The following PNPLA1 variants were observed in gnomAD, a reference collection of about 807,000 sequenced individuals.
The protein encoded by PNPLA1 is omega-hydroxyceramide transacylase.
PNPLA1 carries 36 observed loss-of-function variants against 51.7 expected under a neutral mutation model. The observed-to-expected ratio is 0.70, with a 90% CI of 0.53 to 0.92. The LOEUF (loss-of-function observed/expected upper bound fraction) is 0.92. PNPLA1 is among the 40% of genes least tolerant of loss of function. The pLI, the probability that PNPLA1 is intolerant of heterozygous loss-of-function variation, is 0.00. For missense variants in PNPLA1, 658 were observed against 682.5 expected (o/e 0.96, Z 0.40); for synonymous variants, 293 against 280.1 (o/e 1.05, Z -0.46).
chr6:36,254,830 CCTT>C (rs755480288), intron 1 of PNPLA1, among the ~76,000 whole-genome samples: 16 of 152,034 alleles, frequency 1.1e-4, no homozygotes, highest in Non-Finnish European at 2.1e-4. Flanking sequence ...TCATTTCTCT[CCTT>C]CTGGGGCACA....
In PNPLA1 at chr6:36,302,382, G is replaced by C; in HGVS notation, c.1297G>C (p.Gly433Arg). ...GCCATCCCTGGGGCCTTCAACTGTG[G>C]GGGCACCTCAAACACTGCCCCGAAG... ...PRPSLGPSTV[G>R]APQTLPRSSL... is the part of the protein sequence containing the mutation. Residue 433 changes from glycine (G) to arginine (R), a missense_variant, in exon 6 of 9, where the codon GGG (glycine) becomes CGG (arginine). By Grantham distance (125) the Gly-to-Arg change is moderately radical. Coordinates refer to ENST00000636260, the MANE Select transcript of PNPLA1 (RefSeq NM_001374623.1). 1.2e-6 allele frequency: 2 copies of C among 1,601,728 alleles called. No homozygotes were observed. The highest frequency in any genetic ancestry group is 8.5e-7 in the Non-Finnish European group (1 of 1,172,626).
In PNPLA1 at chr6:36,270,259, C is replaced by T. The variant is rs1239032370; in HGVS notation, c.-201C>T. Among the ~76,000 whole-genome samples, 1 of 152,246 alleles carries T rather than the reference C, an allele frequency of 6.6e-6. No homozygotes were observed. Among genetic ancestry groups the T allele is most frequent in the Admixed American group, 6.5e-5 (1 of 15,294 alleles). Reference sequence around the variant, plus strand: ...GCCCCTTTCCAACCTTTGGAGTTGCCTCCTGGCGGAGCTTAACAGGCTGAG... The same window carrying T: ...GCCCCTTTCCAACCTTTGGAGTTGCTTCCTGGCGGAGCTTAACAGGCTGAG... On this transcript the variant is annotated 5_prime_UTR_variant, in exon 1 of 9. Coordinates refer to ENST00000636260, the MANE Select transcript of PNPLA1 (RefSeq NM_001374623.1).
At chr6:36,309,282 G>A (rs189476448) in intron 8 of PNPLA1, among the ~76,000 whole-genome samples, 38 of 152,260 alleles carry the variant, frequency 2.5e-4, no homozygotes, top group Middle Eastern at 3.4e-3. Context: ...ACGGCAGCTC[G>A]AGGTCCCTGG....
chr6:36,305,486 T>C (rs574106124), intron 6 of PNPLA1, among the ~76,000 whole-genome samples: 46 of 152,292 alleles, frequency 3.0e-4, no homozygotes, highest in Non-Finnish European at 5.1e-4. Flanking sequence ...AACCCACATA[T>C]ACTTTATATT....
At chr6:36,252,716 T>G (rs1769450002) in intron 1 of PNPLA1, among the ~76,000 whole-genome samples, 1 of 152,166 alleles carries the variant, frequency 6.6e-6, no homozygotes, top group Non-Finnish European at 1.5e-5. Flanking sequence ...GGACAGGACA[T>G]GAAGCATGGC....
chr6:36,272,741 C>T (rs909542734), intron 1 of PNPLA1, among the ~76,000 whole-genome samples: 1 of 152,108 alleles, frequency 6.6e-6, no homozygotes. Context: ...GAGGGAGAGG[C>T]TGCAGATAAT....
At chr6:36,307,463 C>T in intron 7 of PNPLA1, 124 bp from the exon 8 acceptor site, 1 of 1,106,750 alleles carries the variant, frequency 9.0e-7, no homozygotes, top group Non-Finnish European at 1.2e-6. Context: ...CTGGGAAATC[C>T]AATCCTCAGC....
At chr6:36,248,408 C>A (rs569951665) in intron 1 of PNPLA1, among the ~76,000 whole-genome samples, 1 of 152,118 alleles carries the variant, frequency 6.6e-6, no homozygotes, top group African/African-American at 2.4e-5. Flanking sequence ...AAGGAAATTG[C>A]GTAACCACAC....
upstream of PNPLA1, among the ~76,000 whole-genome samples, chr6:36,269,866 C>G (rs1057433903): frequency 6.6e-6 from 1 of 152,206 alleles, no homozygotes; most frequent in African/African-American, 2.4e-5. Flanking sequence ...CCTGAAGGAG[C>G]CCAGGAGGGG....
In PNPLA1 at chr6:36,302,350, C is replaced by T; in HGVS notation, c.1265C>T (p.Ser422Leu). The T allele has an allele frequency of 1.2e-6, 2 of 1,612,656 alleles. No homozygotes were observed. The highest frequency in any genetic ancestry group is 1.3e-5 in the African/African-American group (1 of 75,050). ...ARSLHSQAPT[S>L]PRPSLGPSTV... is the part of the protein sequence containing the mutation. ...TCCCTACACTCTCAGGCACCCACTT[C>T]ACCCAGGCCATCCCTGGGGCCTTCA... Residue 422 changes from serine to leucine, a missense_variant, in exon 6 of 9, where the codon TCA (serine) becomes TTA (leucine). Physicochemically the swap from Ser to Leu is moderately radical, Grantham distance 145 (BLOSUM62 -2). Transcript: ENST00000636260.
intron 6 of PNPLA1, among the ~76,000 whole-genome samples, chr6:36,303,902 G>A (rs550827231): frequency 1.4e-4 from 21 of 152,242 alleles, no homozygotes; most frequent in African/African-American, 4.3e-4. Flanking sequence ...GAGGGTATTC[G>A]TAGAGAATAA....
intron 1 of PNPLA1, among the ~76,000 whole-genome samples, chr6:36,249,922 G>A (rs557068319): frequency 6.6e-6 from 1 of 152,162 alleles, no homozygotes; most frequent in East Asian, 1.9e-4. Context: ...AACAGAAAAC[G>A]TGGTCAATAG....
chr6:36,287,019 G>A (rs959025287), intron 1 of PNPLA1, among the ~76,000 whole-genome samples: 5 of 152,002 alleles, frequency 3.3e-5, no homozygotes, highest in African/African-American at 1.2e-4. Flanking sequence ...ATTTTTCTTG[G>A]CACATTAGAC....
chr6:36,293,033 G>T, intron 2 of PNPLA1, 28 bp from the exon 3 acceptor site: 1 of 1,589,008 alleles, frequency 6.3e-7, no homozygotes, highest in Non-Finnish European at 8.6e-7. Flanking sequence ...CGGGCCTCCA[G>T]CATCTCAGCC....
At chr6:36,255,797 T>C (rs1032731642) in intron 1 of PNPLA1, among the ~76,000 whole-genome samples, 1 of 152,232 alleles carries the variant, frequency 6.6e-6, no homozygotes, top group African/African-American at 2.4e-5. Flanking sequence ...AGTTTTTTCT[T>C]TAATAACAAT....
At chr6:36,292,034 C>T (rs974967652) in intron 2 of PNPLA1, among the ~76,000 whole-genome samples, 4 of 152,172 alleles carry the variant, frequency 2.6e-5, no homozygotes, top group Non-Finnish European at 4.4e-5. Context: ...GAAAAGTGCA[C>T]GCTAATCCTG....
chr6:36,255,683 G>A (rs1488813126), intron 1 of PNPLA1, among the ~76,000 whole-genome samples: 4 of 111,852 alleles, frequency 3.6e-5, no homozygotes, highest in East Asian at 4.0e-4. Flanking sequence ...GTGAAACTCC[G>A]TCTAAAAAAA....
At chr6:36,306,174 G>C in intron 6 of PNPLA1, 118 bp from the exon 7 acceptor site, 1 of 766,050 alleles carries the variant, frequency 1.3e-6, no homozygotes, top group South Asian at 1.9e-5. Context: ...AGAATTTGAG[G>C]ACAAGAGAGT....
chr6:36,270,005 C>T (rs1299346684), upstream of PNPLA1, among the ~76,000 whole-genome samples: 1 of 152,192 alleles, frequency 6.6e-6, no homozygotes, highest in Non-Finnish European at 1.5e-5. Context: ...ATAACCATCA[C>T]GGAGGTTTTG....
Sources: gnomAD v4.1 joint callset for allele counts (sites outside exome capture counted in the v4.1 genomes callset) on GRCh38, gnomAD v4.1.1 for gene constraint, MANE v1.5 for transcripts, NCBI Gene and HGNC (gene_info 2026-07-23, HGNC 2026-07-21) for gene names.